The following SGF29 variants were observed in gnomAD, a reference collection of about 807,000 sequenced individuals.
The protein encoded by SGF29 is SAGA-associated factor 29.
Under a neutral mutation model 38.1 loss-of-function variants are expected in SGF29, and 15 were observed. The ratio of observed to expected loss-of-function variants is 0.39; its 90% CI spans 0.26 to 0.61. SGF29 has a LOEUF of 0.61. SGF29 is among the 20% of genes least tolerant of loss of function. The pLI, the probability that SGF29 is intolerant of heterozygous loss-of-function variation, is 0.49. For missense variants in SGF29, 184 were observed against 394.6 expected, an observed-to-expected ratio of 0.47 and a Z score of 4.52; for synonymous variants, 151 against 160.8, an observed-to-expected ratio of 0.94 and a Z score of 0.46.
rs574911968 is a variant in SGF29, at chr16:28,588,513, C to T, written c.225-587C>T. 62 of 370,014 alleles carry T rather than the reference C, an allele frequency of 1.7e-4. No homozygotes were observed. In the Admixed American group the frequency reaches 2.3e-3, roughly 14 times the overall value. 22.9% of individuals were successfully genotyped at this position (370,014 alleles called of 1,614,324 possible). ...TAGTTTTTGGCATGCTGCTTTCTAC[C>T]ACCTTGTTTTTTATGTTCTTAAGAC... On this transcript the variant is annotated intron_variant, in intron 4 of 9. Coordinates refer to ENST00000317058, the MANE Select transcript of SGF29 (RefSeq NM_138414.3).
intron 1 of SGF29, among the ~76,000 whole-genome samples, chr16:28,573,722 A>G (rs2046878614): frequency 6.6e-6 from 1 of 152,154 alleles, no homozygotes; most frequent in Admixed American, 6.5e-5. Flanking sequence ...ATTGCTATAC[A>G]GAGCTTGTAG....
intron 4 of SGF29, among the ~76,000 whole-genome samples, chr16:28,587,673 C>T (rs1402081859): frequency 2.6e-5 from 4 of 152,288 alleles, no homozygotes; most frequent in African/African-American, 4.8e-5. Flanking sequence ...TCCTTCCTGC[C>T]GCACAAAGGT....
chr16:28,572,951 C>T (rs2046873520), intron 1 of SGF29, among the ~76,000 whole-genome samples: 1 of 152,166 alleles, frequency 6.6e-6, no homozygotes, highest in Non-Finnish European at 1.5e-5. Context: ...CATACCCCTT[C>T]TTGCTCGCTG....
intron 1 of SGF29, among the ~76,000 whole-genome samples, chr16:28,564,728 C>CAT (rs1463519588): frequency 0.088 from 6,151 of 69,934 alleles, 478 homozygotes; most frequent in Middle Eastern, 0.22. Flanking sequence ...TATATATATA[C>CAT]ATATATATGT....
intron 1 of SGF29, among the ~76,000 whole-genome samples, chr16:28,579,747 A>G (rs1186898768): frequency 6.6e-6 from 1 of 151,724 alleles, no homozygotes; most frequent in Non-Finnish European, 1.5e-5. Context: ...CCTGGCCAAC[A>G]TGGTGAAACC....
chr16:28,585,487 C>G, intron 3 of SGF29, 161 bp from the exon 4 acceptor site: 1 of 667,196 alleles, frequency 1.5e-6, no homozygotes, highest in South Asian at 1.7e-5. Context: ...CTCATGGAGC[C>G]TGGGGGCATC....
chr16:28,586,507 A>C (rs1483412418), intron 4 of SGF29, among the ~76,000 whole-genome samples: 1 of 129,340 alleles, frequency 7.7e-6, no homozygotes. Context: ...GCTCTGCCTC[A>C]AAAAAAAAAA....
rs1567285861 is a variant in SGF29, at chr16:28,564,677, A to ATATG, written c.-16+10583_-16+10584insGTAT. On this transcript the variant is annotated intron_variant, in intron 1 of 9. Transcript: ENST00000317058. Reference sequence around the variant, plus strand: ...TACGTATATATATGCATATATATGTATATATATGTGTATATATATGTATAT... The same window carrying ATATG: ...TACGTATATATATGCATATATATGTATATGTATATATGTGTATATATATGTATAT... 1.7e-3 allele frequency among the ~76,000 whole-genome samples: 150 copies of ATATG among 90,504 alleles called. 6 individuals carry two copies. Among genetic ancestry groups the ATATG allele is most frequent in the Middle Eastern group, 4.8e-3 (1 of 210 alleles). 59.4% of individuals were successfully genotyped at this position (90,504 alleles called of 152,430 possible).
intron 1 of SGF29, among the ~76,000 whole-genome samples, chr16:28,578,636 C>T (rs925104863): frequency 2.0e-5 from 3 of 148,832 alleles, no homozygotes; most frequent in South Asian, 2.1e-4. Context: ...CTCCATTCAT[C>T]GTGAATCTGA....
At chr16:28,564,746 T>TAC (rs796399582) in intron 1 of SGF29, among the ~76,000 whole-genome samples, 10,024 of 24,130 alleles carry the variant, frequency 0.42, 1,012 homozygotes, top group Middle Eastern at 0.57. Context: ...TGTATATATG[T>TAC]ATATATATGT....
At chr16:28,572,852 C>T (rs1269093868) in intron 1 of SGF29, among the ~76,000 whole-genome samples, 1 of 152,014 alleles carries the variant, frequency 6.6e-6, no homozygotes, top group Non-Finnish European at 1.5e-5. Flanking sequence ...CACACAGCCC[C>T]CTCTTCTGTC....
intron 4 of SGF29, among the ~76,000 whole-genome samples, chr16:28,586,653 T>G (rs150511314): frequency 1.1e-3 from 167 of 152,168 alleles, no homozygotes; most frequent in African/African-American, 3.8e-3. Flanking sequence ...AGAGGCTCTG[T>G]TTATTTGGGG....
chr16:28,564,990 A>T (rs1241487879), intron 1 of SGF29, among the ~76,000 whole-genome samples: 55 of 151,858 alleles, frequency 3.6e-4, no homozygotes. Flanking sequence ...CTGAGGCCTA[A>T]GGCCTGAGAG....
intron 2 of SGF29, among the ~76,000 whole-genome samples, chr16:28,584,540 A>G (rs2046943949): frequency 6.6e-6 from 1 of 152,130 alleles, no homozygotes; most frequent in African/African-American, 2.4e-5. Flanking sequence ...CTGTAATCCC[A>G]GCACTTTGGG....
At chr16:28,570,610 A>G (rs1277255518) in intron 1 of SGF29, among the ~76,000 whole-genome samples, 2 of 150,744 alleles carry the variant, frequency 1.3e-5, no homozygotes, top group African/African-American at 2.4e-5. Flanking sequence ...AGTGAGCCTC[A>G]CTCTGTCACC....
At chr16:28,555,711 A>G (rs192166784) in intron 1 of SGF29, among the ~76,000 whole-genome samples, 6 of 152,344 alleles carry the variant, frequency 3.9e-5, no homozygotes. Context: ...TTCACCAGCT[A>G]TCTGGGAATC....
chr16:28,564,745 G>GTATATATATGTATATATATA (rs1430292831), intron 1 of SGF29, among the ~76,000 whole-genome samples: 5 of 23,472 alleles, frequency 2.1e-4, no homozygotes, highest in Middle Eastern at 0.015. Flanking sequence ...ATGTATATAT[G>GTATATATATGTATATATATA]TATATATATG....
At chr16:28,581,261 A>G (rs2046924165) in intron 2 of SGF29, 117 bp downstream of exon 2, 2 of 885,166 alleles carry the variant, frequency 2.3e-6, no homozygotes, top group Admixed American at 2.1e-5. Context: ...AAAATGACGT[A>G]ATAAAAGTGA....
intron 1 of SGF29, among the ~76,000 whole-genome samples, chr16:28,564,546 TATAC>T (rs2046811502): frequency 1.1e-5 from 1 of 92,240 alleles, no homozygotes; most frequent in African/African-American, 3.8e-5. Flanking sequence ...TATGTATATA[TATAC>T]GTATATATAT....
Sources: allele counts gnomAD v4.1 joint callset (sites outside exome capture counted in the v4.1 genomes callset), GRCh38; gene constraint gnomAD v4.1.1; transcripts MANE v1.5; gene names NCBI Gene and HGNC (gene_info 2026-07-23, HGNC 2026-07-21).